AR: variants seen among roughly 807,000 people sequenced by gnomAD.
The protein encoded by AR is androgen receptor.
A neutral mutation model predicts 53.9 loss-of-function variants in AR; 8 were observed. The ratio of observed to expected loss-of-function variants is 0.15; its 90% CI spans 0.09 to 0.27. The LOEUF (loss-of-function observed/expected upper bound fraction) is 0.27. Among genes scored for constraint, AR ranks in the 10% least tolerant of loss-of-function variants. The probability of loss-of-function intolerance (pLI) is 1.00; values close to 1 mark genes in which losing one functional copy is unlikely to be tolerated. For missense variants in AR, 639 were observed against 742.5 expected, an observed-to-expected ratio of 0.86 and a Z score of 1.62; for synonymous variants, 359 against 316.4, an observed-to-expected ratio of 1.13 and a Z score of -1.43.
chrX:67,674,648 G>T (rs1440697408), intron 2 of AR, among the ~76,000 whole-genome samples: 1 of 111,460 alleles, frequency 9.0e-6, no homozygotes, highest in Non-Finnish European at 1.9e-5. Flanking sequence ...GGGTTCTTTA[G>T]TTAGCTTATG....
At chrX:67,674,631 G>C (rs1577777) in intron 2 of AR, among the ~76,000 whole-genome samples, 1 of 111,352 alleles carries the variant, frequency 9.0e-6, no homozygotes, top group African/African-American at 3.3e-5. Context: ...CTTCACTCAA[G>C]GCCCAGGGGT....
intron 1 of AR, among the ~76,000 whole-genome samples, chrX:67,592,804 A>G (rs767585232): frequency 2.3e-4 from 26 of 111,271 alleles, no homozygotes; most frequent in African/African-American, 1.6e-4. Flanking sequence ...TACCTCTACA[A>G]ACTGTGGCAA....
At chrX:67,648,062 A>C (rs1402447126) in intron 2 of AR, among the ~76,000 whole-genome samples, 1 of 111,960 alleles carries the variant, frequency 8.9e-6, no homozygotes. Flanking sequence ...CTGTACTTAT[A>C]AATCTGCATA....
chrX:67,709,627 G>T (rs2147522328), intron 3 of AR, among the ~76,000 whole-genome samples: 1 of 111,942 alleles, frequency 8.9e-6, no homozygotes, highest in South Asian at 3.7e-4. Flanking sequence ...GCTCACACTT[G>T]GTGCACTGCA....
In AR at chrX:67,721,745, T is replaced by C. The variant is rs752148000; in HGVS notation, c.2319-88T>C. ...AACAGCAAGCTCTTCTTGGAAAACC[T>C]GGCGAGGGATGGCAATCAGAGACAT... On this transcript the variant is annotated intron_variant, in intron 5 of 7. Coordinates refer to ENST00000374690, the MANE Select transcript of AR (RefSeq NM_000044.6). 1.8e-5 allele frequency: 21 copies of C among 1,146,339 alleles called. No homozygotes were observed. The South Asian group carries it at 3.6e-4, about 20-fold the overall frequency. 94.5% of individuals were successfully genotyped at this position (1,146,339 alleles called of 1,213,427 possible).
chrX:67,709,292 T>C lies in AR; in HGVS notation c.1886-2110T>C, dbSNP rs192270308. On this transcript the variant is annotated intron_variant, in intron 3 of 7. Coordinates refer to ENST00000374690, the MANE Select transcript of AR (RefSeq NM_000044.6). Reference sequence around the variant, plus strand: ...TTGAGTTGCGGTAGGCTCCACCCAGTTCGAGCTTCCCAGCTGCTTTGTTTA... The same window carrying C: ...TTGAGTTGCGGTAGGCTCCACCCAGCTCGAGCTTCCCAGCTGCTTTGTTTA... Among the ~76,000 whole-genome samples, 107 of 112,329 alleles carry C rather than the reference T, an allele frequency of 9.5e-4. 1 individual carries two copies. The highest frequency in any genetic ancestry group is 3.3e-3 in the African/African-American group (103 of 30,959).
intron 2 of AR, among the ~76,000 whole-genome samples, chrX:67,674,135 C>G (rs1030570506): frequency 1.8e-5 from 2 of 110,202 alleles, no homozygotes; most frequent in African/African-American, 6.6e-5. Flanking sequence ...GTTCTCTTCT[C>G]TCACTTTCCC....
intron 1 of AR, among the ~76,000 whole-genome samples, chrX:67,634,440 C>A (rs1925325944): frequency 9.0e-6 from 1 of 111,669 alleles, no homozygotes; most frequent in South Asian, 3.7e-4. Flanking sequence ...ATCTTTATTT[C>A]TTTGCCCATT....
At chrX:67,632,648 G>A (rs1025295378) in intron 1 of AR, among the ~76,000 whole-genome samples, 11 of 111,692 alleles carry the variant, frequency 9.8e-5, no homozygotes, top group Admixed American at 2.8e-4. Flanking sequence ...TTCCTATTCG[G>A]CCATCTTGGC....
intron 1 of AR, among the ~76,000 whole-genome samples, chrX:67,563,037 C>T (rs1339007817): frequency 9.0e-6 from 1 of 111,647 alleles, no homozygotes; most frequent in Non-Finnish European, 1.9e-5. Flanking sequence ...AGAGTCTGGA[C>T]CCTTTGGGAA....
chrX:67,685,870 ATTGT>A (rs2075963500), intron 2 of AR, 136 bp from the exon 3 acceptor site: 7 of 906,253 alleles, frequency 7.7e-6, no homozygotes, highest in Non-Finnish European at 1.1e-5. Context: ...GTATGATCAA[ATTGT>A]TTGGTGCCAT....
chrX:67,637,759 C>T (rs1021588845), intron 1 of AR, among the ~76,000 whole-genome samples: 2 of 111,263 alleles, frequency 1.8e-5, no homozygotes, highest in African/African-American at 6.5e-5. Context: ...ACTCCATTTC[C>T]GTTTCTTAAA....
chrX:67,673,471 A>ATTTTTTTTT (rs34317430), intron 2 of AR, among the ~76,000 whole-genome samples: 2 of 68,459 alleles, frequency 2.9e-5, no homozygotes, highest in Admixed American at 1.8e-4. Context: ...ATTGTTTGCT[A>ATTTTTTTTT]TTTTTTTTTT....
In AR at chrX:67,573,291, A is replaced by C. The variant is rs184605482; in HGVS notation, c.1616+26529A>C. On this transcript the variant is annotated intron_variant, in intron 1 of 7. Transcript: ENST00000374690. ...CTGGTACCTTCAAACAGTACTTATG[A>C]ATTATTTAACCTTAGATAATTTGGC... is the stretch of plus-strand genomic sequence containing the variant. Among the ~76,000 whole-genome samples the C allele has an allele frequency of 6.2e-5, 7 of 112,041 alleles. No homozygotes were observed. The East Asian group carries it at 1.4e-3, about 23-fold the overall frequency.
intron 1 of AR, among the ~76,000 whole-genome samples, chrX:67,608,374 T>A (rs1469224787): frequency 8.9e-6 from 1 of 112,047 alleles, no homozygotes. Context: ...CTATCTCTAT[T>A]CTCCTTTGTT....
intron 1 of AR, among the ~76,000 whole-genome samples, chrX:67,599,337 C>T (rs972462864): frequency 1.8e-5 from 2 of 111,715 alleles, no homozygotes; most frequent in Admixed American, 9.5e-5. Flanking sequence ...AGATTCATGG[C>T]GTAGTGAGTT....
At chrX:67,572,898 A>C (rs1921885125) in intron 1 of AR, among the ~76,000 whole-genome samples, 1 of 111,871 alleles carries the variant, frequency 8.9e-6, no homozygotes, top group Non-Finnish European at 1.9e-5. Context: ...GCTTTATCAA[A>C]AAATTATTGC....
Position 67,711,594 on chromosome X carries a change from A to G in AR, c.2078A>G (p.Asn693Ser). ...PGVVCAGHDNNQPDSFAALLS... is the reference protein window; with the variant it reads ...PGVVCAGHDNSQPDSFAALLS... Reference sequence around the variant, plus strand: ...GTAGTGTGTGCTGGACACGACAACAACCAGCCCGACTCCTTTGCAGCCTTG... The same window carrying G: ...GTAGTGTGTGCTGGACACGACAACAGCCAGCCCGACTCCTTTGCAGCCTTG... Residue 693 changes from asparagine to serine, a missense_variant, in exon 4 of 8, where the codon AAC becomes AGC. Transcript: ENST00000374690. The G allele has an allele frequency of 8.3e-7, 1 of 1,211,472 alleles. No homozygotes were observed.
chrX:67,701,592 T>C (rs566221720), intron 3 of AR, among the ~76,000 whole-genome samples: 1 of 111,749 alleles, frequency 8.9e-6, no homozygotes, highest in African/African-American at 3.3e-5. Flanking sequence ...GGTGTGTGTA[T>C]GCACGCTTGC....
Sources: allele counts gnomAD v4.1 joint callset (sites outside exome capture counted in the v4.1 genomes callset), GRCh38; gene constraint gnomAD v4.1.1; transcripts MANE v1.5; gene names NCBI Gene and HGNC (gene_info 2026-07-23, HGNC 2026-07-21).